Variants in ZFHX3 observed in about 807,000 individuals in gnomAD.
ZFHX3 encodes the protein zinc finger homeobox 3, also known as zinc finger homeobox protein 3.
Under a neutral mutation model 279.1 loss-of-function variants are expected in ZFHX3, and 42 were observed. That is an observed-to-expected ratio of 0.15 (90% CI 0.12 to 0.19). ZFHX3 has a LOEUF of 0.19. Ranked by LOEUF, ZFHX3 falls within the 10% of genes least tolerant of loss-of-function variation. The pLI is 1.00. For synonymous variants in ZFHX3, 2,293 were observed against 1,957.8 expected (o/e 1.17, Z -4.52); for missense variants, 4,981 against 4,754.0 (o/e 1.05, Z -1.40).
rs546677366 is a variant in ZFHX3, at chr16:73,109,009, G to A, written c.-896-15411C>T. Among the ~76,000 whole-genome samples, 1,032 of 152,334 alleles carry A rather than the reference G, an allele frequency of 6.8e-3. 7 individuals are homozygous for A. Among genetic ancestry groups the A allele is most frequent in the Non-Finnish European group, 9.0e-3 (614 of 68,042 alleles). On this transcript the variant is annotated intron_variant, in intron 7 of 17. Transcript: ENST00000641206. Reference sequence around the variant, plus strand: ...TGATAGGCACTGGTTGGGGATTCTGGCTGGCCGGAGGCATCCCTGTTGTTC... The same window carrying A: ...TGATAGGCACTGGTTGGGGATTCTGACTGGCCGGAGGCATCCCTGTTGTTC...
chr16:73,681,847 A>G (rs9933615), intron 1 of ZFHX3, among the ~76,000 whole-genome samples: 10,499 of 152,276 alleles, frequency 0.069, 1,208 homozygotes, highest in African/African-American at 0.24. Context: ...GCCCCTGCTT[A>G]GAAAATGTAA....
At chr16:72,923,881 G>A (rs112711772) in intron 3 of ZFHX3, among the ~76,000 whole-genome samples, 64 of 152,310 alleles carry the variant, frequency 4.2e-4, no homozygotes, top group African/African-American at 1.5e-3. Flanking sequence ...CGTTCAAGAC[G>A]CGGCTACTGG....
intron 1 of ZFHX3, among the ~76,000 whole-genome samples, chr16:72,970,246 A>G (rs557697097): frequency 1.3e-5 from 2 of 152,216 alleles, no homozygotes; most frequent in Non-Finnish European, 2.9e-5. Context: ...AAACATACTC[A>G]GAGTTCAACC....
intron 5 of ZFHX3, among the ~76,000 whole-genome samples, chr16:72,819,617 C>T (rs1420003917): frequency 6.6e-6 from 1 of 152,168 alleles, no homozygotes; most frequent in African/African-American, 2.4e-5. Flanking sequence ...AGGAACCACG[C>T]TGCTTTGTGG....
In ZFHX3 at chr16:73,863,214, C is replaced by CAAAT. The variant is rs921558890; in HGVS notation, c.-1608+28433_-1608+28436dup. On this transcript the variant is annotated intron_variant, in intron 1 of 17. Coordinates refer to the ZFHX3 transcript ENST00000641206. ...GAGCGAGACTCCGTCTCAAAATAAA[C>CAAAT]AAATAAATAAATAAATAAATAAATT... 1.3e-3 allele frequency among the ~76,000 whole-genome samples: 205 copies of CAAAT among 152,064 alleles called. 2 individuals are homozygous for CAAAT. The highest frequency in any genetic ancestry group is 3.3e-3 in the African/African-American group (137 of 41,484).
At chr16:73,754,398 G>C (rs1283910900) in intron 1 of ZFHX3, among the ~76,000 whole-genome samples, 2 of 152,018 alleles carry the variant, frequency 1.3e-5, no homozygotes, top group Admixed American at 1.3e-4. Context: ...GGAAGAGAGA[G>C]GTTTGTACGT....
intron 4 of ZFHX3, among the ~76,000 whole-genome samples, chr16:72,882,184 T>G (rs2038493940): frequency 6.7e-6 from 1 of 150,032 alleles, no homozygotes; most frequent in Admixed American, 6.6e-5. Flanking sequence ...TTTTTTTTTT[T>G]TTTTTTTGCT....
At chr16:73,814,758 G>A (rs1320421790) in intron 1 of ZFHX3, among the ~76,000 whole-genome samples, 1 of 152,014 alleles carries the variant, frequency 6.6e-6, no homozygotes, top group Admixed American at 6.6e-5. Flanking sequence ...AGTAAAGACA[G>A]GGTTTCACCA....
intron 1 of ZFHX3, among the ~76,000 whole-genome samples, chr16:73,009,120 C>T (rs1475391849): frequency 1.3e-5 from 2 of 151,644 alleles, no homozygotes; most frequent in Non-Finnish European, 2.9e-5. Flanking sequence ...GACCTTAAAA[C>T]GCATTTCAAT....
chr16:73,211,421 A>T (rs1222040679), intron 5 of ZFHX3, among the ~76,000 whole-genome samples: 3 of 152,198 alleles, frequency 2.0e-5, no homozygotes, highest in Admixed American at 1.3e-4. Flanking sequence ...AAATGTATCA[A>T]TTCAGATAAA....
intron 5 of ZFHX3, among the ~76,000 whole-genome samples, chr16:73,187,356 A>T (rs558705385): frequency 4.6e-4 from 60 of 131,356 alleles, no homozygotes; most frequent in African/African-American, 1.4e-3. Context: ...TTTTTTTTTT[A>T]AATTGGGCTG....
intron 1 of ZFHX3, among the ~76,000 whole-genome samples, chr16:73,818,043 T>C (rs2142345358): frequency 6.6e-6 from 1 of 152,200 alleles, no homozygotes; most frequent in Non-Finnish European, 1.5e-5. Flanking sequence ...CATTTTGAAA[T>C]GGGGTGAGAG....
Position 72,794,734 on chromosome 16 carries a change from G to A in ZFHX3, c.7948C>T (p.Pro2650Ser), listed in dbSNP as rs748108727. Residue 2650 changes from proline to serine, a missense_variant, in exon 9 of 10, where the codon CCG becomes TCG. Around this residue, in one of 7 missense-constraint regions of ZFHX3, gnomAD observed 744 missense variants for 701.3 expected, o/e 1.06. Coordinates refer to ENST00000268489, the MANE Select transcript of ZFHX3 (RefSeq NM_006885.4). This position sits in a 1 kb window ranked among gnomAD's most constrained non-coding sequence, Gnocchi z 4.2. ...TGGTAGAGAATTTCTAGTTGTTCCG[G>A]TGTGATGGTTGTTCTCAAACGCTTG... ...RDKRLRTTIT[P>S]EQLEILYQKY... 6.2e-7 allele frequency: 1 copy of A among 1,614,214 alleles called. No individual in the cohort carries two copies. Among genetic ancestry groups the A allele is most frequent in the Non-Finnish European group, 8.5e-7 (1 of 1,180,046 alleles).
chr16:73,600,584 A>G (rs578199922), intron 2 of ZFHX3, among the ~76,000 whole-genome samples: 2 of 151,830 alleles, frequency 1.3e-5, no homozygotes, highest in South Asian at 2.1e-4. Flanking sequence ...CGCCCGGCCA[A>G]TGTTTTTTTG....
intron 1 of ZFHX3, among the ~76,000 whole-genome samples, chr16:73,683,786 T>C (rs918663949): frequency 6.6e-6 from 1 of 152,176 alleles, no homozygotes; most frequent in African/African-American, 2.4e-5. Context: ...TGGATTCTCA[T>C]TGTTCTAGAA....
intron 1 of ZFHX3, among the ~76,000 whole-genome samples, chr16:72,972,389 T>C (rs1484093510): frequency 1.3e-5 from 2 of 152,138 alleles, no homozygotes; most frequent in African/African-American, 4.8e-5. Context: ...AGATCTCAAC[T>C]CCATCCAAAG....
At chr16:73,590,500 A>G (rs1305985786) in intron 2 of ZFHX3, among the ~76,000 whole-genome samples, 1 of 152,220 alleles carries the variant, frequency 6.6e-6, no homozygotes, top group African/African-American at 2.4e-5. Context: ...AAGAGCAGCA[A>G]CAGTAACAAT....
chr16:72,802,020 TAAAA>T (rs887210298), intron 7 of ZFHX3, among the ~76,000 whole-genome samples: 1 of 148,472 alleles, frequency 6.7e-6, no homozygotes, highest in African/African-American at 2.5e-5. Context: ...TCATGAGAAA[TAAAA>T]AAAAAGCCCT....
intron 4 of ZFHX3, among the ~76,000 whole-genome samples, chr16:73,267,838 A>T (rs574837052): frequency 6.6e-6 from 1 of 152,176 alleles, no homozygotes; most frequent in East Asian, 1.9e-4. Flanking sequence ...CTTCTTCCTC[A>T]TTTTATTTTT....
Sources: allele counts gnomAD v4.1 joint callset (sites outside exome capture counted in the v4.1 genomes callset), GRCh38; gene constraint gnomAD v4.1.1; regional missense constraint gnomAD v4.1.1; non-coding constraint Gnocchi (gnomAD v3.1); transcripts MANE v1.5; gene names NCBI Gene and HGNC (gene_info 2026-07-23, HGNC 2026-07-21).